Variants in TTC28 observed in about 807,000 individuals in gnomAD.
The protein encoded by TTC28 is tetratricopeptide repeat domain 28.
In TTC28, 61 loss-of-function variants were observed where a neutral mutation model predicts 198.0. That is an observed-to-expected ratio of 0.31 (90% confidence interval 0.25 to 0.38). The LOEUF (loss-of-function observed/expected upper bound fraction) is 0.38, where lower values mean the gene tolerates loss of function less well. TTC28 is among the 10% of genes least tolerant of loss of function. The pLI is 1.00. For missense variants in TTC28, 2,678 were observed against 3,164.0 expected, an observed-to-expected ratio of 0.85 and a Z score of 3.69; for synonymous variants, 1,171 against 1,297.8, an observed-to-expected ratio of 0.90 and a Z score of 2.10.
chr22:28,131,947 C>T (rs1440563306), intron 6 of TTC28, among the ~76,000 whole-genome samples: 2 of 152,114 alleles, frequency 1.3e-5, no homozygotes, highest in Non-Finnish European at 2.9e-5. Flanking sequence ...GGAGAGGACA[C>T]CACTCATTAT....
At chr22:28,261,730 T>C (rs1260015132) in intron 5 of TTC28, among the ~76,000 whole-genome samples, 1 of 152,172 alleles carries the variant, frequency 6.6e-6, no homozygotes, top group African/African-American at 2.4e-5. Context: ...TGCTTATTTA[T>C]TTATTTTTGT....
chr22:28,174,061 A>C (rs1440703774), intron 5 of TTC28, among the ~76,000 whole-genome samples: 3 of 152,190 alleles, frequency 2.0e-5, no homozygotes, highest in Admixed American at 1.3e-4. Flanking sequence ...TTCAGCGCCC[A>C]TAAACCAAAG....
intron 2 of TTC28, among the ~76,000 whole-genome samples, chr22:28,484,937 C>A (rs921643847): frequency 2.6e-5 from 4 of 152,138 alleles, no homozygotes; most frequent in Admixed American, 2.6e-4. Flanking sequence ...ATGAAAGTAT[C>A]CATAAACTGC....
At chr22:27,999,325 T>C in intron 15 of TTC28, 65 bp from the exon 16 acceptor site, 3 of 1,486,914 alleles carry the variant, frequency 2.0e-6, no homozygotes, top group Non-Finnish European at 2.7e-6. Context: ...CCGGCAGTGG[T>C]CGGCCGAGCA....
intron 1 of TTC28, among the ~76,000 whole-genome samples, chr22:28,651,986 CT>C (rs1487769081): frequency 6.6e-6 from 1 of 151,946 alleles, no homozygotes; most frequent in Non-Finnish European, 1.5e-5. Context: ...ATTACAGGTG[CT>C]CTCCACCACA....
chr22:28,029,670 C>A (rs192526069), intron 13 of TTC28, among the ~76,000 whole-genome samples: 1 of 152,154 alleles, frequency 6.6e-6, no homozygotes, highest in East Asian at 1.9e-4. Flanking sequence ...ATTTCAAACT[C>A]GATTCATCTT....
At chr22:28,125,944 T>G (rs942859242) in intron 6 of TTC28, among the ~76,000 whole-genome samples, 3 of 152,162 alleles carry the variant, frequency 2.0e-5, no homozygotes, top group African/African-American at 7.2e-5. Context: ...GCTTAGAAAC[T>G]GCACATACCC....
intron 13 of TTC28, among the ~76,000 whole-genome samples, chr22:28,023,089 C>G (rs920933090): frequency 1.5e-4 from 23 of 152,264 alleles, no homozygotes; most frequent in African/African-American, 5.5e-4. Context: ...AGGAATGAAT[C>G]TGGAGCCGCA....
chr22:28,251,400 T>C (rs1601531838), intron 5 of TTC28, among the ~76,000 whole-genome samples: 1 of 152,312 alleles, frequency 6.6e-6, no homozygotes, highest in Middle Eastern at 3.4e-3. Flanking sequence ...ATGGCAAAGT[T>C]GGTTAGTTGT....
intron 2 of TTC28, among the ~76,000 whole-genome samples, chr22:28,597,259 A>G (rs934631195): frequency 1.3e-5 from 2 of 152,182 alleles, no homozygotes; most frequent in East Asian, 3.8e-4. Flanking sequence ...AAGTATATTA[A>G]CATTGTTTTG....
At chr22:28,430,418 A>G (rs2047414045) in intron 2 of TTC28, among the ~76,000 whole-genome samples, 2 of 152,186 alleles carry the variant, frequency 1.3e-5, no homozygotes, top group South Asian at 2.1e-4. Context: ...ACAGTACTAC[A>G]TAATATATGT....
At chr22:28,653,372 G>C (rs1480170165) in intron 1 of TTC28, among the ~76,000 whole-genome samples, 3 of 152,042 alleles carry the variant, frequency 2.0e-5, no homozygotes. Context: ...GGAATGTGGT[G>C]TGAGTCCGTA....
chr22:28,298,206 C>T (rs1025222398), intron 3 of TTC28, among the ~76,000 whole-genome samples: 2 of 152,172 alleles, frequency 1.3e-5, no homozygotes, highest in African/African-American at 2.4e-5. Flanking sequence ...GGGAATATCC[C>T]CAGGTCCTCC....
chr22:28,217,273 A>C (rs1927482213), intron 5 of TTC28, among the ~76,000 whole-genome samples: 3 of 150,560 alleles, frequency 2.0e-5, no homozygotes, highest in Non-Finnish European at 4.4e-5. Context: ...ACATGCAAAA[A>C]ATAAAAATAA....
intron 13 of TTC28, among the ~76,000 whole-genome samples, chr22:28,027,655 T>C (rs557125304): frequency 4.6e-5 from 7 of 152,348 alleles, no homozygotes; most frequent in Non-Finnish European, 1.0e-4. Context: ...GGCTCCAGGC[T>C]ACAAGGACTC....
At chr22:28,147,902 A>C (rs955043777) in intron 6 of TTC28, among the ~76,000 whole-genome samples, 9 of 152,334 alleles carry the variant, frequency 5.9e-5, no homozygotes, top group Non-Finnish European at 1.3e-4. Flanking sequence ...AATATCTAGA[A>C]AAGTGGAACT....
intron 8 of TTC28, among the ~76,000 whole-genome samples, 160 bp from the exon 9 acceptor site, chr22:28,101,440 C>T (rs1279802918): frequency 6.6e-6 from 1 of 152,196 alleles, no homozygotes. Context: ...TCACTGCAGC[C>T]TGCACCTCCC....
At chr22:28,351,818 C>T (rs1185771613) in intron 2 of TTC28, among the ~76,000 whole-genome samples, 7 of 152,162 alleles carry the variant, frequency 4.6e-5, no homozygotes, top group Non-Finnish European at 8.8e-5. Context: ...GAGAATTTCA[C>T]GAAGAGACAC....
At chr22:28,340,836 C>G (rs2045817242) in intron 2 of TTC28, among the ~76,000 whole-genome samples, 1 of 152,122 alleles carries the variant, frequency 6.6e-6, no homozygotes, top group Non-Finnish European at 1.5e-5. Context: ...ACAGGAACCC[C>G]TAATAAACAG....
Sources: allele counts gnomAD v4.1 joint callset (sites outside exome capture counted in the v4.1 genomes callset), GRCh38; gene constraint gnomAD v4.1.1; transcripts MANE v1.5; gene names NCBI Gene and HGNC (gene_info 2026-07-23, HGNC 2026-07-21).